Variants in PROS1 observed in about 807,000 individuals in gnomAD.
PROS1 encodes the protein protein S.
In PROS1, 29 loss-of-function variants were observed where a neutral mutation model predicts 75.9. The ratio of observed to expected loss-of-function variants is 0.38; its 90% CI spans 0.28 to 0.52. The LOEUF (loss-of-function observed/expected upper bound fraction) is 0.52, where lower values mean the gene tolerates loss of function less well. Ranked by LOEUF, PROS1 falls within the 20% of genes least tolerant of loss-of-function variation. The pLI, the probability that PROS1 is intolerant of heterozygous loss-of-function variation, is 0.83. For missense variants in PROS1, 680 were observed against 810.3 expected, an observed-to-expected ratio of 0.84 and a Z score of 1.95; for synonymous variants, 245 against 280.6, an observed-to-expected ratio of 0.87 and a Z score of 1.27.
intron 1 of PROS1, among the ~76,000 whole-genome samples, chr3:93,928,257 G>A (rs1709056882): frequency 6.7e-6 from 1 of 150,156 alleles, no homozygotes; most frequent in South Asian, 2.1e-4. Context: ...CTTGAGTGCA[G>A]GAATTCAAGG....
intron 2 of PROS1, among the ~76,000 whole-genome samples, chr3:93,925,778 A>G (rs1299591979): frequency 6.7e-6 from 1 of 148,734 alleles, no homozygotes; most frequent in African/African-American, 2.5e-5. Context: ...AACCATGATC[A>G]TGCCACTGCA....
chr3:93,955,916 T>C (rs1709590855), intron 1 of PROS1, among the ~76,000 whole-genome samples: 2 of 152,174 alleles, frequency 1.3e-5, no homozygotes, highest in Admixed American at 1.3e-4. Context: ...TGGGCAGAAT[T>C]TGCTTAACAG....
intron 3 of PROS1, 82 bp from the exon 4 acceptor site, chr3:93,910,787 G>T (rs1454032574): frequency 3.0e-5 from 34 of 1,143,230 alleles, no homozygotes. Context: ...GTCCCAAGAG[G>T]TAGGACATTT....
intron 3 of PROS1, among the ~76,000 whole-genome samples, chr3:93,916,605 A>T (rs1002671289): frequency 5.9e-5 from 9 of 152,190 alleles, no homozygotes; most frequent in African/African-American, 1.4e-4. Context: ...AGGAATAGTA[A>T]AAATTGAGGA....
intron 7 of PROS1, among the ~76,000 whole-genome samples, chr3:93,899,229 A>C (rs184285210): frequency 2.0e-5 from 3 of 151,884 alleles, no homozygotes; most frequent in Admixed American, 2.0e-4. Flanking sequence ...TCCCTACTCC[A>C]TATTTTGAGA....
intron 1 of PROS1, among the ~76,000 whole-genome samples, chr3:93,949,637 C>G (rs904290482): frequency 6.6e-6 from 1 of 151,806 alleles, no homozygotes; most frequent in Admixed American, 6.6e-5. Context: ...AATAAACTAA[C>G]AACATAATTA....
At chr3:93,908,805 G>T (rs1195301169) in intron 4 of PROS1, among the ~76,000 whole-genome samples, 3 of 152,180 alleles carry the variant, frequency 2.0e-5, no homozygotes, top group Non-Finnish European at 4.4e-5. Flanking sequence ...TGTTTTTAAT[G>T]TATTCCACAT....
chr3:93,914,330 A>T (rs1345019723), intron 3 of PROS1, among the ~76,000 whole-genome samples: 2 of 152,090 alleles, frequency 1.3e-5, no homozygotes, highest in African/African-American at 4.8e-5. Context: ...GGCCACCTTG[A>T]CCCCACAGCT....
At chr3:93,964,657 T>C (rs1429140205) in intron 1 of PROS1, among the ~76,000 whole-genome samples, 1 of 152,170 alleles carries the variant, frequency 6.6e-6, no homozygotes, top group African/African-American at 2.4e-5. Context: ...TGATCTTTGT[T>C]CTCCCTTTTG....
chr3:93,962,349 A>T (rs1190594069), intron 1 of PROS1, among the ~76,000 whole-genome samples: 1 of 152,210 alleles, frequency 6.6e-6, no homozygotes, highest in Non-Finnish European at 1.5e-5. Flanking sequence ...CAACCACAAT[A>T]AAAATAAATC....
intron 1 of PROS1, among the ~76,000 whole-genome samples, chr3:93,971,882 A>C (rs547423858): frequency 7.6e-4 from 115 of 152,310 alleles, no homozygotes; most frequent in African/African-American, 2.7e-3. Flanking sequence ...ATTTCCTCAT[A>C]AGTAAACCAC....
At chr3:93,973,592 G>T in intron 1 of PROS1, 82 bp downstream of exon 1, 1 of 1,452,984 alleles carries the variant, frequency 6.9e-7, no homozygotes, top group Non-Finnish European at 9.5e-7. Context: ...TGCAGCTCTA[G>T]AGAAGAAAAT....
intron 10 of PROS1, among the ~76,000 whole-genome samples, 174 bp from the exon 11 acceptor site, chr3:93,886,677 G>T (rs2107140558): frequency 6.6e-6 from 1 of 152,142 alleles, no homozygotes; most frequent in South Asian, 2.1e-4. Context: ...TGATAAATGT[G>T]ATAAAAAGGC....
intron 1 of PROS1, among the ~76,000 whole-genome samples, chr3:93,939,266 T>C (rs555073078): frequency 6.6e-6 from 1 of 152,218 alleles, no homozygotes; most frequent in African/African-American, 2.4e-5. Flanking sequence ...CAGGCATTCT[T>C]TTACACATCA....
At chr3:93,880,277 T>C (rs960140277) in intron 12 of PROS1, among the ~76,000 whole-genome samples, 1 of 151,978 alleles carries the variant, frequency 6.6e-6, no homozygotes, top group Non-Finnish European at 1.5e-5. Context: ...CACTTTGGAA[T>C]TGCCTGAGCT....
At chr3:93,876,117 C>G (rs1268499386) in intron 14 of PROS1, among the ~76,000 whole-genome samples, 1 of 152,204 alleles carries the variant, frequency 6.6e-6, no homozygotes, top group Non-Finnish European at 1.5e-5. Flanking sequence ...GATCTATTTA[C>G]TGTCCATCAT....
At chr3:93,900,734 C>G (rs1362940801) in intron 7 of PROS1, 70 bp downstream of exon 7, 2 of 1,597,026 alleles carry the variant, frequency 1.3e-6, no homozygotes, top group African/African-American at 2.7e-5. Context: ...AAAGCCAATG[C>G]TTTTAAATAT....
At chr3:93,925,183 A>G (rs943465184) in intron 2 of PROS1, among the ~76,000 whole-genome samples, 3 of 152,240 alleles carry the variant, frequency 2.0e-5, no homozygotes, top group African/African-American at 4.8e-5. Flanking sequence ...TTCTTAAGCC[A>G]TAATATATCT....
At chr3:93,892,690 A>G (rs1708450534) in intron 10 of PROS1, among the ~76,000 whole-genome samples, 1 of 152,128 alleles carries the variant, frequency 6.6e-6, no homozygotes, top group African/African-American at 2.4e-5. Flanking sequence ...AACAGCAACT[A>G]AAAAAGGTAA....
Sources: gnomAD v4.1 joint callset for allele counts (sites outside exome capture counted in the v4.1 genomes callset) on GRCh38, gnomAD v4.1.1 for gene constraint, MANE v1.5 for transcripts, NCBI Gene and HGNC (gene_info 2026-07-23, HGNC 2026-07-21) for gene names.